VPS13A: variants seen among roughly 807,000 people sequenced by gnomAD.
VPS13A encodes intermembrane lipid transfer protein VPS13A.
A neutral mutation model predicts 390.9 loss-of-function variants in VPS13A; 264 were observed. The observed-to-expected ratio is 0.68, with a 90% CI of 0.61 to 0.75. VPS13A has a LOEUF of 0.75. Ranked by LOEUF, VPS13A falls within the 30% of genes least tolerant of loss-of-function variation. VPS13A has a pLI of 0.00. For synonymous variants in VPS13A, 1,231 were observed against 1,227.1 expected, an observed-to-expected ratio of 1.00 and a Z score of -0.07; for missense variants, 3,409 against 3,733.9, an observed-to-expected ratio of 0.91 and a Z score of 2.27.
intron 67 of VPS13A, among the ~76,000 whole-genome samples, chr9:77,381,661 CAA>C (rs1430545396): frequency 6.6e-6 from 1 of 151,660 alleles, no homozygotes. Flanking sequence ...AGGAATGAGA[CAA>C]GGATGCTTGC....
chr9:77,338,250 G>T (rs113066951), intron 47 of VPS13A: 41 of 152,346 alleles, frequency 2.7e-4, no homozygotes, highest in African/African-American at 7.9e-4. Flanking sequence ...GGAATTACAG[G>T]CATGAGCCAG....
intron 44 of VPS13A, 28 bp downstream of exon 44, chr9:77,321,774 G>T: frequency 1.2e-6 from 2 of 1,610,778 alleles, no homozygotes; most frequent in Non-Finnish European, 1.7e-6. Context: ...TACCTTCCTG[G>T]GGCTATTTTG....
At chr9:77,334,868 T>G (rs1375892785) in intron 46 of VPS13A, among the ~76,000 whole-genome samples, 2 of 152,226 alleles carry the variant, frequency 1.3e-5, no homozygotes, top group African/African-American at 4.8e-5. Flanking sequence ...TTAACTGTTT[T>G]GACAAATAAT....
In VPS13A at chr9:77,365,482, T is replaced by A. The variant is rs1242639262; in HGVS notation, c.8234T>A (p.Ile2745Lys). Reference sequence around the variant, plus strand: ...TAGGTTGAGCTTTTTCATAAAGATATAGAAGCTTTCAAAGAAGAATATAAA... The same window carrying A: ...TAGGTTGAGCTTTTTCATAAAGATAAAGAAGCTTTCAAAGAAGAATATAAA... ...NTEVELFHKD[I>K]EAFKEEYKTA... The change falls in exon 60 of 72, where the codon ATA becomes AAA. Residue 2745 changes from isoleucine to lysine, a missense_variant. By Grantham distance (102) the Ile-to-Lys change is moderately radical. Around this residue, in one of 5 missense-constraint regions of VPS13A, gnomAD observed 123 missense variants for 118.7 expected, o/e 1.04. Transcript: ENST00000360280. The A allele has an allele frequency of 6.2e-7, 1 of 1,610,612 alleles. No individual in the cohort carries two copies. Among genetic ancestry groups the A allele is most frequent in the Non-Finnish European group, 8.5e-7 (1 of 1,177,270 alleles).
chr9:77,337,643 ATAC>A, intron 47 of VPS13A, 106 bp downstream of exon 47: 1 of 1,146,752 alleles, frequency 8.7e-7, no homozygotes, highest in South Asian at 1.5e-5. Context: ...AAAAATTAGA[ATAC>A]TAGTAAAGAA....
rs148656796 is a variant in VPS13A, at chr9:77,282,239, A to G, written c.3083A>G (p.Glu1028Gly). Reference sequence around the variant, plus strand: ...AAATCAGCCCCAGTGTCCACTACAGAGACTGAAGACAAAGGAGATGTCATT... The same window carrying G: ...AAATCAGCCCCAGTGTCCACTACAGGGACTGAAGACAAAGGAGATGTCATT... ...EEKSAPVSTT[E>G]TEDKGDVIKK... The change falls in exon 29 of 72, where the codon GAG becomes GGG. Residue 1028 changes from glutamate to glycine, a missense_variant. Coordinates refer to ENST00000360280, the MANE Select transcript of VPS13A (RefSeq NM_033305.3). The G allele has an allele frequency of 3.7e-3, 5,977 of 1,613,516 alleles. 42 individuals carry two copies. Among genetic ancestry groups the G allele is most frequent in the Middle Eastern group, 0.017 (104 of 6,006 alleles).
intron 38 of VPS13A, 138 bp from the exon 39 acceptor site, chr9:77,316,035 AG>A: frequency 2.8e-6 from 1 of 353,074 alleles, no homozygotes; most frequent in Non-Finnish European, 4.4e-6. Flanking sequence ...GTCTTTACTA[AG>A]GGTTGTAGTT....
intron 10 of VPS13A, among the ~76,000 whole-genome samples, chr9:77,215,674 A>T (rs1035435972): frequency 6.6e-6 from 1 of 152,170 alleles, no homozygotes; most frequent in Non-Finnish European, 1.5e-5. Flanking sequence ...AACATCCCCT[A>T]CCCTAGGGCT....
intron 32 of VPS13A, among the ~76,000 whole-genome samples, chr9:77,294,452 T>C (rs1827858537): frequency 6.6e-6 from 1 of 152,162 alleles, no homozygotes; most frequent in Non-Finnish European, 1.5e-5. Context: ...TGTCTCAGTG[T>C]TTTAGTGTAT....
intron 41 of VPS13A, among the ~76,000 whole-genome samples, chr9:77,318,798 A>C (rs920954156): frequency 2.6e-5 from 4 of 152,190 alleles, no homozygotes; most frequent in Admixed American, 2.6e-4. Flanking sequence ...TTACTTTTAA[A>C]GTACATGTCC....
chr9:77,357,779 G>C lies in VPS13A; in HGVS notation c.7894G>C (p.Val2632Leu), dbSNP rs757970884. The change falls in exon 56 of 72, where the codon GTG becomes CTG. Residue 2632 changes from valine to leucine, a missense_variant. By Grantham distance (32) the Val-to-Leu change is conservative. Around this residue, in one of 5 missense-constraint regions of VPS13A, gnomAD observed 221 missense variants for 300.7 expected, o/e 0.73. Coordinates refer to ENST00000360280, the MANE Select transcript of VPS13A (RefSeq NM_033305.3). The stretch of plus-strand genomic sequence containing the variant: ...AAGAAATTATCTTCCAGCATTAAAA[G>C]TGGAATATAACACATCTGCACATCA... ...LRRNYLPALK[V>L]EYNTSAHQSS... is the part of the protein sequence containing the mutation. The C allele has an allele frequency of 6.2e-7, 1 of 1,613,616 alleles. No homozygotes were observed. Among genetic ancestry groups the C allele is most frequent in the Non-Finnish European group, 8.5e-7 (1 of 1,179,724 alleles).
intron 52 of VPS13A, among the ~76,000 whole-genome samples, chr9:77,347,202 T>C (rs568522611): frequency 6.6e-6 from 1 of 152,282 alleles, no homozygotes; most frequent in East Asian, 1.9e-4. Context: ...TTTCAGGATT[T>C]TTTTTCTAGT....
At chr9:77,203,577 T>G (rs1457996943) in intron 3 of VPS13A, among the ~76,000 whole-genome samples, 1 of 152,214 alleles carries the variant, frequency 6.6e-6, no homozygotes, top group Non-Finnish European at 1.5e-5. Flanking sequence ...TGTGAGCCAC[T>G]GCGCCTGGTC....
In VPS13A at chr9:77,319,334, TTTATG is replaced by T. The variant is rs1196016008; in HGVS notation, c.5314-236_5314-232del. On this transcript the variant is annotated intron_variant, in intron 41 of 71. Coordinates refer to ENST00000360280, the MANE Select transcript of VPS13A (RefSeq NM_033305.3). ...GAATTAGAAATATATGCCTTATACT[TTTATG>T]TAATGTAGAATCAAGGAAAGATGCT... Among the ~76,000 whole-genome samples the T allele has an allele frequency of 9.2e-5, 14 of 152,034 alleles. 1 individual carries two copies. The East Asian group carries it at 2.5e-3, about 27-fold the overall frequency.
At chr9:77,228,514 C>T (rs1482716169) in intron 17 of VPS13A, among the ~76,000 whole-genome samples, 1 of 151,840 alleles carries the variant, frequency 6.6e-6, no homozygotes, top group Non-Finnish European at 1.5e-5. Context: ...CAAAAAGAAA[C>T]AGCATTAACA....
chr9:77,358,562 A>G (rs1457020756), intron 57 of VPS13A, 124 bp downstream of exon 57: 1 of 830,652 alleles, frequency 1.2e-6, no homozygotes, highest in Non-Finnish European at 2.0e-6. Context: ...GGAAAATTAA[A>G]CTGCTTGAAA....
intron 24 of VPS13A, 138 bp downstream of exon 24, chr9:77,273,502 C>T (rs982397261): frequency 4.6e-5 from 31 of 667,106 alleles, no homozygotes; most frequent in Non-Finnish European, 7.0e-5. Context: ...GACTGAGGCT[C>T]TATGAATGGA....
At chr9:77,209,791 T>C (rs1188194610) in intron 6 of VPS13A, among the ~76,000 whole-genome samples, 1 of 152,216 alleles carries the variant, frequency 6.6e-6, no homozygotes, top group South Asian at 2.1e-4. Context: ...TTAGCAGTTA[T>C]GTATTTTTAA....
intron 54 of VPS13A, among the ~76,000 whole-genome samples, chr9:77,354,518 CCTTT>C (rs1027912290): frequency 6.6e-6 from 1 of 152,054 alleles, no homozygotes; most frequent in Non-Finnish European, 1.5e-5. Context: ...ATGGTCTCTA[CCTTT>C]CTGTTTCTTA....
Sources: gnomAD v4.1 joint callset for allele counts (sites outside exome capture counted in the v4.1 genomes callset) on GRCh38, gnomAD v4.1.1 for gene constraint, gnomAD v4.1.1 regional missense constraint, MANE v1.5 for transcripts, NCBI Gene and HGNC (gene_info 2026-07-23, HGNC 2026-07-21) for gene names.